EYS: variants seen among roughly 807,000 people sequenced by gnomAD.
EYS encodes the protein EGF-like photoreceptor maintenance factor.
In EYS, 250 loss-of-function variants were observed where a neutral mutation model predicts 282.1. That is an observed-to-expected ratio of 0.89 (90% CI 0.80 to 0.98). EYS has a LOEUF of 0.98. Ranked by LOEUF, EYS falls within the 50% of genes least tolerant of loss-of-function variation. EYS has a pLI of 0.00. For synonymous variants in EYS, 1,355 were observed against 1,282.9 expected, an observed-to-expected ratio of 1.06 and a Z score of -1.20; for missense variants, 4,016 against 3,709.0, an observed-to-expected ratio of 1.08 and a Z score of -2.15.
chr6:64,929,159 AG>A (rs1209020795), intron 15 of EYS, among the ~76,000 whole-genome samples: 1 of 152,148 alleles, frequency 6.6e-6, no homozygotes, highest in Non-Finnish European at 1.5e-5. Flanking sequence ...TCTTTTAAAA[AG>A]GGGGGAAATT....
chr6:65,142,223 T>G (rs1764363496), intron 12 of EYS, among the ~76,000 whole-genome samples: 1 of 152,006 alleles, frequency 6.6e-6, no homozygotes, highest in Admixed American at 6.6e-5. Flanking sequence ...CAAAACAATC[T>G]AATATATTTT....
chr6:64,049,470 C>A (rs1187869060), intron 33 of EYS, among the ~76,000 whole-genome samples: 1 of 152,146 alleles, frequency 6.6e-6, no homozygotes, highest in East Asian at 1.9e-4. Context: ...CCATAGCACC[C>A]AGCAGAGTAC....
chr6:65,377,424 A>G (rs1437823398), intron 8 of EYS, among the ~76,000 whole-genome samples: 7 of 152,330 alleles, frequency 4.6e-5, no homozygotes, highest in Non-Finnish European at 5.9e-5. Context: ...AGAAAGCAGG[A>G]AAGATCTAAA....
intron 30 of EYS, among the ~76,000 whole-genome samples, chr6:64,269,414 T>A (rs1426832751): frequency 6.6e-6 from 1 of 152,104 alleles, no homozygotes; most frequent in African/African-American, 2.4e-5. Context: ...ATCACTTCAT[T>A]GCTTTAAAGT....
chr6:65,460,168 T>G (rs1381275652), intron 5 of EYS, among the ~76,000 whole-genome samples: 3 of 150,102 alleles, frequency 2.0e-5, no homozygotes, highest in Admixed American at 1.3e-4. Context: ...AAGAGGAAAT[T>G]ATCCAGAGAG....
intron 22 of EYS, among the ~76,000 whole-genome samples, chr6:64,729,376 A>G (rs951390466): frequency 1.3e-5 from 2 of 152,196 alleles, no homozygotes; most frequent in Admixed American, 6.5e-5. Flanking sequence ...GAACGTGGCT[A>G]TGTGACTTGC....
At chr6:64,323,749 T>C (rs1389111159) in intron 29 of EYS, among the ~76,000 whole-genome samples, 2 of 152,094 alleles carry the variant, frequency 1.3e-5, no homozygotes, top group Admixed American at 6.6e-5. Context: ...CCAAATAAAA[T>C]GCTGTACAAC....
At position 64,033,400 on chromosome 6, in the gene EYS, C is replaced by T. The variant is rs562521843; in HGVS notation, c.6725+32938G>A. On this transcript the variant is annotated intron_variant, in intron 33 of 42. Transcript: ENST00000503581. ...TCAAGAGATAAAGATGAAAGTGAAA[C>T]ATATCAAAGTTTTATTCCCTAAAAT... 2.0e-5 allele frequency among the ~76,000 whole-genome samples: 3 copies of T among 152,200 alleles called. No homozygotes were observed. The South Asian group carries it at 6.2e-4, about 32-fold the overall frequency.
intron 15 of EYS, among the ~76,000 whole-genome samples, chr6:64,932,464 T>A (rs1229439936): frequency 2.0e-5 from 3 of 152,016 alleles, no homozygotes; most frequent in Non-Finnish European, 4.4e-5. Context: ...TAATTCCAGT[T>A]GAGGGCAACT....
chr6:64,714,534 T>C lies in EYS; in HGVS notation c.3444-88289A>G, dbSNP rs1186603833. 1.4e-3 allele frequency among the ~76,000 whole-genome samples: 205 copies of C among 147,524 alleles called. 2 individuals carry two copies. The highest frequency in any genetic ancestry group is 4.8e-3 in the African/African-American group (191 of 39,540). On this transcript the variant is annotated intron_variant, in intron 22 of 42. Transcript: ENST00000503581. ...TTTCTTTCTTTTTTTTTTTTTTTTT[T>C]TTTTTTTTTGAGACGGAGTCTGGCT...
chr6:64,335,249 A>G (rs643583), intron 29 of EYS, among the ~76,000 whole-genome samples: 81,065 of 121,576 alleles, frequency 0.67, 24,616 homozygotes, highest in African/African-American at 0.76. Context: ...GACTCCCCCC[A>G]CCCCCCCTCC....
intron 35 of EYS, among the ~76,000 whole-genome samples, chr6:63,978,773 T>C (rs1253093060): frequency 6.6e-6 from 1 of 151,954 alleles, no homozygotes; most frequent in Non-Finnish European, 1.5e-5. Context: ...CTATTGCAAT[T>C]TCAAATTCAA....
intron 31 of EYS, among the ~76,000 whole-genome samples, chr6:64,148,449 G>A (rs548095996): frequency 5.3e-5 from 8 of 152,174 alleles, no homozygotes; most frequent in African/African-American, 1.9e-4. Flanking sequence ...AGAGAGAATA[G>A]GCATTTTATC....
At chr6:64,579,338 G>A (rs1164012870) in intron 26 of EYS, among the ~76,000 whole-genome samples, 1 of 152,056 alleles carries the variant, frequency 6.6e-6, no homozygotes, top group African/African-American at 2.4e-5. Flanking sequence ...AAAAATCCAT[G>A]ATATCTGGAT....
At chr6:64,836,249 A>G (rs1264513614) in intron 19 of EYS, among the ~76,000 whole-genome samples, 1 of 150,966 alleles carries the variant, frequency 6.6e-6, no homozygotes, top group Non-Finnish European at 1.5e-5. Flanking sequence ...CAAAATATAT[A>G]CATTCTTCTA....
In EYS at chr6:64,902,120, T is replaced by C; in HGVS notation, c.2839A>G (p.Thr947Ala). 1 of 1,539,042 alleles carries C rather than the reference T, an allele frequency of 6.5e-7. No individual in the cohort carries two copies. The highest frequency in any genetic ancestry group is 2.5e-5 in the East Asian group (1 of 40,772). ...TAAAAAGTAGCTTCTCACCTGTTTGTCAGATCCACACATGTTCCATTATTT... is the reference window on the plus strand; with the variant it reads ...TAAAAAGTAGCTTCTCACCTGTTTGCCAGATCCACACATGTTCCATTATTT... ...CKNNGTCVDLTNRFFCNCEPE... is the reference protein window; with the variant it reads ...CKNNGTCVDLANRFFCNCEPE... Residue 947 changes from threonine (T) to alanine (A), a missense_variant, in exon 18 of 43, where the codon ACA (threonine) becomes GCA (alanine). Transcript: ENST00000503581.
chr6:64,865,034 A>C (rs1284424669), intron 19 of EYS, among the ~76,000 whole-genome samples: 1 of 152,096 alleles, frequency 6.6e-6, no homozygotes, highest in Admixed American at 6.5e-5. Context: ...TCCTGTCTCA[A>C]AAAAAGAAAT....
At chr6:63,818,881 G>C (rs971985259) in intron 36 of EYS, among the ~76,000 whole-genome samples, 1 of 152,226 alleles carries the variant, frequency 6.6e-6, no homozygotes, top group African/African-American at 2.4e-5. Context: ...GAAGCTGTAA[G>C]TAACAAAAAG....
At chr6:64,010,514 T>A (rs1011011010) in intron 33 of EYS, among the ~76,000 whole-genome samples, 4 of 151,906 alleles carry the variant, frequency 2.6e-5, no homozygotes, top group Non-Finnish European at 5.9e-5. Flanking sequence ...TACTTTAGAG[T>A]TTTTTCAGGC....
Sources: gnomAD v4.1 joint callset for allele counts (sites outside exome capture counted in the v4.1 genomes callset) on GRCh38, gnomAD v4.1.1 for gene constraint, MANE v1.5 for transcripts, NCBI Gene and HGNC (gene_info 2026-07-23, HGNC 2026-07-21) for gene names.